Variants in MSH3 observed in about 807,000 individuals in gnomAD.
MSH3 encodes mutS homolog 3.
In MSH3, 106 loss-of-function variants were observed where a neutral mutation model predicts 123.3. That is an observed-to-expected ratio of 0.86 (90% confidence interval 0.73 to 1.01). The LOEUF (loss-of-function observed/expected upper bound fraction) is 1.01. Among genes scored for constraint, MSH3 ranks in the 50% least tolerant of loss-of-function variants. The probability of loss-of-function intolerance (pLI) is 0.00; values close to 1 mark genes in which losing one functional copy is unlikely to be tolerated. For missense variants in MSH3, 1,459 were observed against 1,347.6 expected (o/e 1.08, Z -1.29); for synonymous variants, 515 against 481.4 (o/e 1.07, Z -0.91).
At chr5:80,730,063 C>T (rs566773441) in intron 10 of MSH3, among the ~76,000 whole-genome samples, 13 of 152,208 alleles carry the variant, frequency 8.5e-5, no homozygotes, top group African/African-American at 3.1e-4. Flanking sequence ...TGCGTTCTCC[C>T]GTGTGGTACT....
At chr5:80,730,855 ACCTGGAAAGATGTGTCCT>A (rs1336503480) in intron 10 of MSH3, among the ~76,000 whole-genome samples, 1 of 148,702 alleles carries the variant, frequency 6.7e-6, no homozygotes, top group African/African-American at 2.5e-5. Context: ...ATGAATTTGG[ACCTGGAAAGATGTGTCCT>A]CCTCATATAT....
Position 80,859,518 on chromosome 5 carries a change from TGA to T in MSH3, c.3000+5203_3000+5204del, listed in dbSNP as rs1745974133. ...TTAGGTCTTATTTTTTGATCCACTC[TGA>T]TAATCTGTCTTTTAACTGGTGCATT... On this transcript the variant is annotated intron_variant, in intron 21 of 23. Transcript: ENST00000265081. Among the ~76,000 whole-genome samples the T allele has an allele frequency of 6.6e-5, 10 of 152,302 alleles. 1 individual carries two copies. In the South Asian group the frequency reaches 1.2e-3, roughly 19 times the overall value.
intron 10 of MSH3, among the ~76,000 whole-genome samples, chr5:80,736,788 A>G (rs536770062): frequency 6.6e-6 from 1 of 152,308 alleles, no homozygotes; most frequent in East Asian, 1.9e-4. Context: ...TGTTGTTACA[A>G]TTCATTGCTG....
chr5:80,666,719 C>T (rs1749582814), intron 3 of MSH3, among the ~76,000 whole-genome samples: 1 of 152,120 alleles, frequency 6.6e-6, no homozygotes, highest in South Asian at 2.1e-4. Context: ...GAAGCAGTGC[C>T]ATTATTACAG....
chr5:80,755,911 C>T (rs1047154308), intron 12 of MSH3, among the ~76,000 whole-genome samples: 28 of 152,218 alleles, frequency 1.8e-4, no homozygotes, highest in Non-Finnish European at 2.6e-4. Context: ...AATTCTTAAC[C>T]ACAGGCCCTC....
rs1196929384 is a variant in MSH3, at chr5:80,654,965, G to C, written c.237+1G>C. The stretch of plus-strand genomic sequence containing the variant: ...CCCGCCCCAGCTGCCGCCGCACATA[G>C]TAGGTTCTGTCTGGGACTGGGCAGG... On this transcript the variant is annotated splice_donor_variant, in intron 1 of 23. Transcript: ENST00000265081. LOFTEE classifies it high-confidence loss of function. 4.8e-6 allele frequency: 7 copies of C among 1,463,896 alleles called. No individual in the cohort carries two copies. The highest frequency in any genetic ancestry group is 5.4e-6 in the Non-Finnish European group (6 of 1,109,684). The allele number at this position is 1,463,896 out of a possible 1,614,324, so 90.7% of individuals were successfully genotyped here.
intron 9 of MSH3, among the ~76,000 whole-genome samples, chr5:80,728,555 A>G (rs908249456): frequency 3.9e-5 from 6 of 152,150 alleles, no homozygotes; most frequent in Admixed American, 2.6e-4. Flanking sequence ...GTATTTCTAG[A>G]CAAAGGGGAT....
chr5:80,748,587 A>G (rs1743765647), intron 12 of MSH3, among the ~76,000 whole-genome samples: 1 of 151,950 alleles, frequency 6.6e-6, no homozygotes, highest in Non-Finnish European at 1.5e-5. Flanking sequence ...TTGGCATGCC[A>G]TTATTCTTAA....
chr5:80,816,875 C>T (rs1196787990), intron 20 of MSH3, among the ~76,000 whole-genome samples: 2 of 152,118 alleles, frequency 1.3e-5, no homozygotes, highest in East Asian at 3.9e-4. Context: ...TTCATAGATT[C>T]CGACGTTATC....
intron 16 of MSH3, among the ~76,000 whole-genome samples, chr5:80,776,926 A>G (rs865869965): frequency 4.7e-5 from 6 of 126,900 alleles, no homozygotes; most frequent in Non-Finnish European, 6.6e-5. Context: ...ATATATATAT[A>G]TATTTTTTTT....
chr5:80,694,178 C>T (rs1011136435), intron 8 of MSH3, among the ~76,000 whole-genome samples: 1 of 152,112 alleles, frequency 6.6e-6, no homozygotes, highest in Non-Finnish European at 1.5e-5. Flanking sequence ...AAATTAAACC[C>T]TACTTCAGAC....
chr5:80,758,154 C>G (rs1043714336), intron 12 of MSH3, among the ~76,000 whole-genome samples: 6 of 152,172 alleles, frequency 3.9e-5, no homozygotes, highest in Non-Finnish European at 5.9e-5. Flanking sequence ...CCAGGACTAG[C>G]TTTTCTTGTA....
intron 7 of MSH3, 83 bp from the exon 8 acceptor site, chr5:80,678,844 C>G (rs1561439440): frequency 4.0e-6 from 6 of 1,505,788 alleles, no homozygotes; most frequent in Non-Finnish European, 4.6e-6. Flanking sequence ...ATCATCTTTA[C>G]TTTTTCCATG....
In MSH3 at chr5:80,672,799, G is replaced by A. The variant is rs1046694553; in HGVS notation, c.968G>A (p.Ser323Asn). ...TTAAAGGCCATTGGAGACAACAGAA[G>A]TTCACTCTTTTCCCGGAAATTGACT... ...AALKAIGDNRSSLFSRKLTAL... is the reference protein window; with the variant it reads ...AALKAIGDNRNSLFSRKLTAL... Residue 323 changes from serine (S) to asparagine (N), a missense_variant, in exon 6 of 24, where the codon AGT becomes AAT. Coordinates refer to ENST00000265081, the MANE Select transcript of MSH3 (RefSeq NM_002439.5). 5 of 1,613,992 alleles carry A rather than the reference G, an allele frequency of 3.1e-6. No individual in the cohort carries two copies. Among genetic ancestry groups the A allele is most frequent in the African/African-American group, 1.3e-5 (1 of 74,918 alleles).
chr5:80,806,598 C>T (rs890496591), intron 19 of MSH3, among the ~76,000 whole-genome samples: 1 of 152,134 alleles, frequency 6.6e-6, no homozygotes, highest in Admixed American at 6.5e-5. Context: ...GTGTGCAAGC[C>T]AGAATCACAC....
chr5:80,810,313 CTATT>C (rs1294365007), intron 19 of MSH3, among the ~76,000 whole-genome samples: 1 of 151,698 alleles, frequency 6.6e-6, no homozygotes, highest in Non-Finnish European at 1.5e-5. Context: ...ACAAGTAGAT[CTATT>C]TATTTTCCTC....
At chr5:80,831,691 CAA>C (rs201171665) in intron 20 of MSH3, among the ~76,000 whole-genome samples, 1 of 122,692 alleles carries the variant, frequency 8.2e-6, no homozygotes. Flanking sequence ...ATGTAATATC[CAA>C]AAAAAAAAAA....
intron 19 of MSH3, among the ~76,000 whole-genome samples, chr5:80,810,194 T>TATATATATATATATATATAA (rs1554074256): frequency 4.8e-5 from 7 of 146,856 alleles, no homozygotes; most frequent in South Asian, 2.1e-4. Flanking sequence ...TATATATATA[T>TATATATATATATATATATAA]AAACTAGTAG....
intron 8 of MSH3, among the ~76,000 whole-genome samples, chr5:80,691,499 T>A (rs1164770831): frequency 6.6e-6 from 1 of 151,040 alleles, no homozygotes; most frequent in African/African-American, 2.4e-5. Flanking sequence ...CATAAAGATA[T>A]CAGTTCTCCT....
Sources: gnomAD v4.1 joint callset for allele counts (sites outside exome capture counted in the v4.1 genomes callset) on GRCh38, gnomAD v4.1.1 for gene constraint, MANE v1.5 for transcripts, NCBI Gene and HGNC (gene_info 2026-07-23, HGNC 2026-07-21) for gene names.